The following EDA variants were observed in gnomAD, a reference collection of about 807,000 sequenced individuals.
EDA encodes ectodysplasin A, also known as ectodysplasin-A.
A neutral mutation model predicts 23.6 loss-of-function variants in EDA; 2 were observed. That is an observed-to-expected ratio of 0.08 (90% CI 0.03 to 0.27). EDA has a LOEUF of 0.27. EDA is among the 10% of genes least tolerant of loss of function. EDA has a pLI of 1.00. For missense variants in EDA, 229 were observed against 324.2 expected (o/e 0.71, Z 2.26); for synonymous variants, 131 against 132.0 (o/e 0.99, Z 0.05).
At chrX:69,683,867 CTA>C (rs1405199080) in intron 1 of EDA, among the ~76,000 whole-genome samples, 1 of 112,451 alleles carries the variant, frequency 8.9e-6, no homozygotes, top group Non-Finnish European at 1.9e-5. Context: ...CTTAGAAAGA[CTA>C]TGCTTTTTTA....
At chrX:69,940,570 A>G (rs1482742035) in intron 1 of EDA, among the ~76,000 whole-genome samples, 1 of 109,866 alleles carries the variant, frequency 9.1e-6, no homozygotes, top group African/African-American at 3.3e-5. Flanking sequence ...TTTTATTTCA[A>G]ATTTCTACTC....
intron 1 of EDA, among the ~76,000 whole-genome samples, chrX:69,787,933 C>G (rs1443254240): frequency 1.8e-5 from 2 of 111,935 alleles, no homozygotes; most frequent in Non-Finnish European, 3.8e-5. Flanking sequence ...GTACACCAAT[C>G]AGACATAGAT....
At chrX:69,689,205 CTTCT>C (rs1021039599) in intron 1 of EDA, among the ~76,000 whole-genome samples, 5 of 108,824 alleles carry the variant, frequency 4.6e-5, no homozygotes, top group African/African-American at 1.7e-4. Context: ...TATAACTGTT[CTTCT>C]TTTTTTTTAT....
chrX:69,779,072 C>T (rs1003531502), intron 1 of EDA, among the ~76,000 whole-genome samples: 1 of 111,233 alleles, frequency 9.0e-6, no homozygotes, highest in African/African-American at 3.3e-5. Flanking sequence ...ACATATATTA[C>T]CAGTTGGAAT....
chrX:69,660,950 A>C (rs1230953217), intron 1 of EDA, among the ~76,000 whole-genome samples: 3 of 111,378 alleles, frequency 2.7e-5, no homozygotes, highest in South Asian at 3.8e-4. Context: ...GAACTAGTTT[A>C]CAGTCCCACC....
intron 1 of EDA, among the ~76,000 whole-genome samples, chrX:69,733,612 A>G (rs2013132063): frequency 9.0e-6 from 1 of 111,724 alleles, no homozygotes; most frequent in African/African-American, 3.3e-5. Context: ...TATGAACTTT[A>G]AAGTAGTTTT....
intron 2 of EDA, among the ~76,000 whole-genome samples, chrX:70,016,597 C>G (rs966378124): frequency 3.6e-5 from 4 of 111,739 alleles, no homozygotes; most frequent in Non-Finnish European, 7.5e-5. Flanking sequence ...TCACTCAAAA[C>G]CATACAAATA....
intron 1 of EDA, among the ~76,000 whole-genome samples, chrX:69,888,941 C>G (rs1205830605): frequency 1.8e-4 from 13 of 72,044 alleles, no homozygotes; most frequent in African/African-American, 6.2e-4. Flanking sequence ...GTGGTATATA[C>G]CCAGAAGTGA....
intron 1 of EDA, among the ~76,000 whole-genome samples, chrX:69,682,681 C>T (rs1023215464): frequency 1.6e-4 from 18 of 111,560 alleles, no homozygotes; most frequent in African/African-American, 4.6e-4. Context: ...TGCTTCGGCT[C>T]GCACACGGTT....
chrX:69,662,177 A>C (rs770971740), intron 1 of EDA, among the ~76,000 whole-genome samples: 2 of 111,433 alleles, frequency 1.8e-5, no homozygotes, highest in African/African-American at 6.5e-5. Flanking sequence ...CTCTATCTTC[A>C]TATGTTTGAA....
chrX:69,862,782 G>A (rs1189976607), intron 1 of EDA, among the ~76,000 whole-genome samples: 1 of 111,178 alleles, frequency 9.0e-6, no homozygotes, highest in Admixed American at 9.6e-5. Flanking sequence ...TGGCAACTGA[G>A]TGAAGTAGAG....
chrX:69,684,160 CTCA>C, intron 1 of EDA, among the ~76,000 whole-genome samples: 1 of 112,197 alleles, frequency 8.9e-6, no homozygotes, highest in East Asian at 2.8e-4. Context: ...AATTTATTTA[CTCA>C]TCATTATGCT....
At chrX:69,830,658 G>A (rs1341609878) in intron 1 of EDA, among the ~76,000 whole-genome samples, 1 of 112,303 alleles carries the variant, frequency 8.9e-6, no homozygotes, top group Non-Finnish European at 1.9e-5. Context: ...AACTGACAGT[G>A]TATCTTTTAG....
intron 1 of EDA, among the ~76,000 whole-genome samples, chrX:69,817,938 A>G (rs926967068): frequency 8.9e-6 from 1 of 112,035 alleles, no homozygotes; most frequent in Admixed American, 9.5e-5. Context: ...TCATTGCCAC[A>G]TTGTACTTAC....
Position 70,035,892 on chromosome X carries a change from C to A in EDA, c.*283C>A, listed in dbSNP as rs918581198. The stretch of plus-strand genomic sequence containing the variant: ...GACTTATGGCATGACTCTTCAACCC[C>A]GAGGTCCCTGTTGTCAGATCTATTG... On this transcript the variant is annotated 3_prime_UTR_variant, in exon 8 of 8. Transcript: ENST00000374552. The A allele has an allele frequency of 2.1e-5, 8 of 381,523 alleles. No individual in the cohort carries two copies. The highest frequency in any genetic ancestry group is 4.3e-5 in the East Asian group (1 of 23,163). The allele number at this position is 381,523 out of a possible 1,213,427, so 31.4% of individuals were successfully genotyped here. A position where few individuals can be genotyped will look rare whatever the true frequency, so the allele number is the denominator to read the frequency against.
At chrX:69,723,178 G>T (rs981619018) in intron 1 of EDA, among the ~76,000 whole-genome samples, 9 of 111,725 alleles carry the variant, frequency 8.1e-5, no homozygotes, top group African/African-American at 2.9e-4. Context: ...GCAGTTTCTG[G>T]TGATGGTCCT....
At chrX:69,890,199 A>G (rs2017901622) in intron 1 of EDA, among the ~76,000 whole-genome samples, 1 of 111,125 alleles carries the variant, frequency 9.0e-6, no homozygotes, top group Non-Finnish European at 1.9e-5. Context: ...AAGGAACACT[A>G]CAAACCACTG....
chrX:69,730,799 A>G (rs916233432), intron 1 of EDA, among the ~76,000 whole-genome samples: 5 of 112,465 alleles, frequency 4.4e-5, no homozygotes, highest in African/African-American at 1.6e-4. Context: ...TTAGCTTATT[A>G]TCTTCATTGC....
chrX:69,913,588 G>A (rs6625530), intron 1 of EDA, among the ~76,000 whole-genome samples: 36,161 of 111,044 alleles, frequency 0.33, 4,978 homozygotes, highest in East Asian at 0.94. Context: ...TCTCCATATC[G>A]GCAATAAGGC....
Sources: allele counts gnomAD v4.1 joint callset (sites outside exome capture counted in the v4.1 genomes callset), GRCh38; gene constraint gnomAD v4.1.1; transcripts MANE v1.5; gene names NCBI Gene and HGNC (gene_info 2026-07-23, HGNC 2026-07-21).